FNDC3B: variants seen among roughly 807,000 people sequenced by gnomAD.
FNDC3B encodes the protein fibronectin type III domain-containing protein 3B.
A neutral mutation model predicts 151.5 loss-of-function variants in FNDC3B; 12 were observed. The ratio of observed to expected loss-of-function variants is 0.08; its 90% CI spans 0.05 to 0.13. The LOEUF is 0.13. FNDC3B is among the 10% of genes least tolerant of loss of function. The probability of loss-of-function intolerance (pLI) is 1.00; values close to 1 mark genes in which losing one functional copy is unlikely to be tolerated. For synonymous variants in FNDC3B, 528 were observed against 549.0 expected, an observed-to-expected ratio of 0.96 and a Z score of 0.54; for missense variants, 1,214 against 1,505.3, an observed-to-expected ratio of 0.81 and a Z score of 3.20.
At chr3:172,306,470 G>A (rs1016110397) in intron 9 of FNDC3B, among the ~76,000 whole-genome samples, 1 of 152,204 alleles carries the variant, frequency 6.6e-6, no homozygotes, top group African/African-American at 2.4e-5. Context: ...CCAACTCTGT[G>A]AATAGTTTAA....
chr3:172,302,542 G>A (rs1374860157), intron 9 of FNDC3B: 1 of 152,146 alleles, frequency 6.6e-6, no homozygotes, highest in African/African-American at 2.4e-5. Context: ...GAGGTTTTGT[G>A]TATCATTCTT....
intron 14 of FNDC3B, among the ~76,000 whole-genome samples, chr3:172,334,138 C>G (rs926853277): frequency 7.2e-5 from 11 of 152,174 alleles, no homozygotes; most frequent in African/African-American, 1.7e-4. Flanking sequence ...AGCAATCACT[C>G]AATAAATAGT....
chr3:172,126,079 C>A (rs1720795807), intron 2 of FNDC3B, among the ~76,000 whole-genome samples: 1 of 152,120 alleles, frequency 6.6e-6, no homozygotes, highest in South Asian at 2.1e-4. Flanking sequence ...TCATTTACCA[C>A]CAAGACATAT....
intron 1 of FNDC3B, among the ~76,000 whole-genome samples, chr3:172,082,731 CTTAATGTGGATTTTTA>C (rs1156326573): frequency 1.3e-5 from 2 of 152,162 alleles, no homozygotes; most frequent in East Asian, 3.8e-4. Context: ...AGAAGTTTGA[CTTAATGTGGATTTTTA>C]TGACTCTTTG....
In FNDC3B at chr3:172,149,698, T is replaced by C. The variant is rs968049424; in HGVS notation, c.187+16152T>C. 5.9e-5 allele frequency among the ~76,000 whole-genome samples: 9 copies of C among 152,176 alleles called. 1 individual carries two copies. The highest frequency in any genetic ancestry group is 2.2e-4 in the African/African-American group (9 of 41,520). ...TTCTCTAAAATTTTATAAGCATATG[T>C]TACTCTTGACTAGTAACAACAGGAA... is the stretch of plus-strand genomic sequence containing the variant. On this transcript the variant is annotated intron_variant, in intron 3 of 25. Coordinates refer to ENST00000415807, the MANE Select transcript of FNDC3B (RefSeq NM_022763.4).
chr3:172,339,894 T>C (rs1383450896), intron 16 of FNDC3B, among the ~76,000 whole-genome samples: 2 of 152,240 alleles, frequency 1.3e-5, no homozygotes, highest in East Asian at 1.9e-4. Context: ...TTTCTTCATA[T>C]GGCCTTAGTG....
At chr3:172,289,160 T>G (rs1420086698) in intron 7 of FNDC3B, among the ~76,000 whole-genome samples, 2 of 152,216 alleles carry the variant, frequency 1.3e-5, no homozygotes, top group African/African-American at 4.8e-5. Context: ...CTAGAGGCTT[T>G]GGGACAAAAT....
chr3:172,356,243 T>C (rs1022057873), intron 22 of FNDC3B, among the ~76,000 whole-genome samples: 2 of 152,172 alleles, frequency 1.3e-5, no homozygotes, highest in East Asian at 3.8e-4. Flanking sequence ...CAGCCTTGAC[T>C]TCAATCCTAT....
intron 6 of FNDC3B, 88 bp from the exon 7 acceptor site, chr3:172,285,838 T>A: frequency 1.1e-6 from 1 of 880,502 alleles, no homozygotes. Context: ...TAATGATAAC[T>A]CCAGTTAAAA....
intron 4 of FNDC3B, among the ~76,000 whole-genome samples, chr3:172,243,200 C>G (rs1036147923): frequency 1.3e-5 from 2 of 152,200 alleles, no homozygotes; most frequent in African/African-American, 4.8e-5. Flanking sequence ...ATTTTCCTGC[C>G]TTCTTCTGAG....
intron 3 of FNDC3B, among the ~76,000 whole-genome samples, chr3:172,157,944 A>T (rs759491788): frequency 6.6e-6 from 1 of 152,192 alleles, no homozygotes. Flanking sequence ...TGATTTTATC[A>T]TGAGGACTCA....
intron 11 of FNDC3B, among the ~76,000 whole-genome samples, chr3:172,319,183 G>C (rs962498497): frequency 6.6e-6 from 1 of 152,174 alleles, no homozygotes; most frequent in African/African-American, 2.4e-5. Context: ...CTTTGTCATG[G>C]CTTCTCATCG....
In FNDC3B at chr3:172,333,107, A is replaced by G; in HGVS notation, c.1573A>G (p.Lys525Glu). ...TTTTCAGGATAACCTTTTCCACCCA[A>G]AATACACTGGAGAGGATTTAACCTG... The part of the protein sequence containing the change: ...EDENDNLFHP[K>E]YTGEDLTCTV... Residue 525 changes from lysine (K) to glutamate (E), a missense_variant, in exon 14 of 26, where the codon AAA becomes GAA. Around this residue, in one of 7 missense-constraint regions of FNDC3B, gnomAD observed 111 missense variants for 96.8 expected, o/e 1.15. Coordinates refer to ENST00000415807, the MANE Select transcript of FNDC3B (RefSeq NM_022763.4). 1.2e-6 allele frequency: 2 copies of G among 1,612,982 alleles called. No homozygotes were observed. Among genetic ancestry groups the G allele is most frequent in the Non-Finnish European group, 1.7e-6 (2 of 1,178,944 alleles).
intron 4 of FNDC3B, among the ~76,000 whole-genome samples, chr3:172,243,796 T>C (rs1396105914): frequency 6.6e-6 from 1 of 152,230 alleles, no homozygotes; most frequent in Non-Finnish European, 1.5e-5. Flanking sequence ...AATTGTCTAC[T>C]TAAAATGCCC....
chr3:172,212,797 A>G (rs1018151215), intron 3 of FNDC3B, among the ~76,000 whole-genome samples: 25 of 152,210 alleles, frequency 1.6e-4, no homozygotes, highest in African/African-American at 6.0e-4. Context: ...TTTGATGGGG[A>G]TGGACTGAAG....
chr3:172,392,224 T>C (rs1390663458), intron 25 of FNDC3B, among the ~76,000 whole-genome samples: 2 of 152,214 alleles, frequency 1.3e-5, no homozygotes, highest in Non-Finnish European at 2.9e-5. Flanking sequence ...CAGCTCTTCT[T>C]AGTTGCTCCA....
At chr3:172,327,002 A>T (rs947365987) in intron 11 of FNDC3B, among the ~76,000 whole-genome samples, 1 of 152,196 alleles carries the variant, frequency 6.6e-6, no homozygotes, top group Non-Finnish European at 1.5e-5. Flanking sequence ...AAGAAGGTAG[A>T]TCATGCCACA....
At chr3:172,226,116 G>A (rs559742452) in intron 3 of FNDC3B, among the ~76,000 whole-genome samples, 1 of 151,960 alleles carries the variant, frequency 6.6e-6, no homozygotes, top group Non-Finnish European at 1.5e-5. Context: ...GACCAGCCTG[G>A]CCAACACAGT....
At chr3:172,042,063 T>G (rs942496153) in intron 1 of FNDC3B, among the ~76,000 whole-genome samples, 1 of 148,506 alleles carries the variant, frequency 6.7e-6, no homozygotes, top group African/African-American at 2.5e-5. Flanking sequence ...GTGTTGTGGT[T>G]TAAATTACTT....
Sources: gnomAD v4.1 joint callset for allele counts (sites outside exome capture counted in the v4.1 genomes callset) on GRCh38, gnomAD v4.1.1 for gene constraint, gnomAD v4.1.1 regional missense constraint, MANE v1.5 for transcripts, NCBI Gene and HGNC (gene_info 2026-07-23, HGNC 2026-07-21) for gene names.